Variants in HERC2 observed in about 807,000 individuals in gnomAD.
HERC2 encodes the protein E3 ubiquitin-protein ligase HERC2.
A neutral mutation model predicts 537.7 loss-of-function variants in HERC2; 102 were observed. That is an observed-to-expected ratio of 0.19 (90% CI 0.16 to 0.22). The LOEUF is 0.22. Among genes scored for constraint, HERC2 ranks in the 10% least tolerant of loss-of-function variants. The probability of loss-of-function intolerance (pLI) is 1.00; values close to 1 mark genes in which losing one functional copy is unlikely to be tolerated. For missense variants in HERC2, 4,236 were observed against 6,198.2 expected (o/e 0.68, Z 10.63); for synonymous variants, 2,224 against 2,466.2 (o/e 0.90, Z 2.91).
At position 28,113,213 on chromosome 15, in the gene HERC2, G is replaced by C. The variant is rs749304891; in HGVS notation, c.14090C>G (p.Ser4697Cys). ...SVATYKGIEPSASLIQWFWEV... is the reference protein window; with the variant it reads ...SVATYKGIEPCASLIQWFWEV... ...CCAGAACCACTGGATCAGCGATGCGGAAGGCTCGATGCCTTTATAGGTGGC... is the reference window on the plus strand; with the variant it reads ...CCAGAACCACTGGATCAGCGATGCGCAAGGCTCGATGCCTTTATAGGTGGC... The change falls in exon 92 of 93, where the codon TCC becomes TGC. Residue 4697 changes from serine to cysteine, a missense_variant. Physicochemically the swap from Ser to Cys is moderately radical, Grantham distance 112. Coordinates refer to ENST00000261609, the MANE Select transcript of HERC2 (RefSeq NM_004667.6). This position sits in a 1 kb window ranked among gnomAD's most constrained non-coding sequence, Gnocchi z 7.0. 1.2e-6 allele frequency: 2 copies of C among 1,614,168 alleles called. No homozygotes were observed. The highest frequency in any genetic ancestry group is 8.5e-7 in the Non-Finnish European group (1 of 1,180,046).
chr15:28,279,947 G>A lies in HERC2; in HGVS notation c.542+121C>T, dbSNP rs529573956. 3.4e-5 allele frequency: 26 copies of A among 755,058 alleles called. 1 individual carries two copies. The South Asian group carries it at 4.6e-4, about 13-fold the overall frequency. The allele number at this position is 755,058 out of a possible 1,614,324, so 46.8% of individuals were successfully genotyped here. ...TATACAAAACATACAAAAAGGGAAA[G>A]CAAGAATAAATTTCAGAAGGTGAAG... On this transcript the variant is annotated intron_variant, in intron 5 of 92. Transcript: ENST00000261609.
rs1353021669 is a variant in HERC2 at position 28,174,382 on chromosome 15, A to C, written c.10057+13T>G. ...TACAGAAAAATCTCAGAGAAGATAC[A>C]AATCTGTGTTACCTAAATAGGAAGC... On this transcript the variant is annotated intron_variant, in intron 65 of 92. Coordinates refer to ENST00000261609, the MANE Select transcript of HERC2 (RefSeq NM_004667.6). The C allele has an allele frequency of 4.5e-6, 7 of 1,569,242 alleles. No individual in the cohort carries two copies. The South Asian group carries it at 6.9e-5, about 15-fold the overall frequency.
chr15:28,176,959 C>G lies in HERC2; in HGVS notation c.9423G>C (p.Lys3141Asn). 1 of 1,612,050 alleles carries G rather than the reference C, an allele frequency of 6.2e-7. No homozygotes were observed. Among genetic ancestry groups the G allele is most frequent in the Non-Finnish European group, 8.5e-7 (1 of 1,178,654 alleles). ...AAATGCGTATAATCACCATTTTGGG[C>G]TTTAGCTGTGTCGTATTATCCCCAT... The part of the protein sequence containing the change: ...LGHGDNTTQL[K>N]PKMVKVLLGH... The change falls in exon 61 of 93, where the codon AAG (lysine) becomes AAC (asparagine). Residue 3141 changes from lysine to asparagine, a missense_variant. This residue lies in a region of HERC2 where 606 missense variants were observed against 884.5 expected (regional missense o/e 0.69). Transcript: ENST00000261609. The surrounding 1 kb of genome is among the most constrained non-coding windows in gnomAD (Gnocchi z 5.0).
chr15:28,196,670 T>G, intron 50 of HERC2, 101 bp from the exon 51 acceptor site: 1 of 610,050 alleles, frequency 1.6e-6, no homozygotes, highest in Non-Finnish European at 3.0e-6. Flanking sequence ...TGTAGTTATT[T>G]GTTTTTTACA....
chr15:28,215,390 A>G (rs1275277561), intron 39 of HERC2, among the ~76,000 whole-genome samples: 3 of 152,196 alleles, frequency 2.0e-5, no homozygotes, highest in Admixed American at 2.0e-4. Flanking sequence ...TGTGAAGCAG[A>G]TGAGTGAGTA....
chr15:28,117,391 C>A (rs1888387519), intron 86 of HERC2: 1 of 698,160 alleles, frequency 1.4e-6, no homozygotes. Context: ...TGCCCAGCAG[C>A]CCCCAGGACT....
At chr15:28,143,153 C>G (rs1891395702) in intron 74 of HERC2, among the ~76,000 whole-genome samples, 1 of 152,004 alleles carries the variant, frequency 6.6e-6, no homozygotes, top group Admixed American at 6.6e-5. Flanking sequence ...AGTTTGAAGA[C>G]TCATCTCAGA....
At chr15:28,180,080 C>T (rs1443639177) in intron 57 of HERC2, among the ~76,000 whole-genome samples, 2 of 152,208 alleles carry the variant, frequency 1.3e-5, no homozygotes, top group Non-Finnish European at 2.9e-5. Flanking sequence ...CTCACTGACT[C>T]GCCCAGAGCA....
chr15:28,187,556 C>T (rs1292824208), intron 55 of HERC2, among the ~76,000 whole-genome samples: 1 of 152,172 alleles, frequency 6.6e-6, no homozygotes, highest in Non-Finnish European at 1.5e-5. Context: ...TGGTCTTGAA[C>T]TTCTGACCTC....
intron 3 of HERC2, among the ~76,000 whole-genome samples, chr15:28,297,640 G>C (rs2076505168): frequency 6.6e-6 from 1 of 152,070 alleles, no homozygotes; most frequent in Non-Finnish European, 1.5e-5. Context: ...TCCATGTATG[G>C]AGTTCTAGAA....
At chr15:28,225,139 G>A (rs1302672832) in intron 35 of HERC2, among the ~76,000 whole-genome samples, 16 of 152,180 alleles carry the variant, frequency 1.1e-4, no homozygotes, top group Admixed American at 1.0e-3. Flanking sequence ...TGTAATCCCA[G>A]CACTTTGGGA....
Position 28,285,803 on chromosome 15 carries a change from C to CA in HERC2, c.323-5517dup, listed in dbSNP as rs3079904. On this transcript the variant is annotated intron_variant, in intron 4 of 92. Transcript: ENST00000261609. ...GACAAACCTCTCTAAGCATGACTGA[C>CA]AAAAAAAAAAAAAAAAGACATAAAT... is the stretch of plus-strand genomic sequence containing the variant. 2.3e-3 allele frequency among the ~76,000 whole-genome samples: 163 copies of CA among 72,320 alleles called. 1 individual carries two copies. Among genetic ancestry groups the CA allele is most frequent in the Middle Eastern group, 0.015 (2 of 134 alleles). The allele number at this position is 72,320 out of a possible 152,430, so 47.4% of individuals were successfully genotyped here.
chr15:28,219,360 A>C (rs1467556174), intron 37 of HERC2, among the ~76,000 whole-genome samples: 2 of 152,218 alleles, frequency 1.3e-5, no homozygotes, highest in South Asian at 2.1e-4. Flanking sequence ...CTGTGGGGAA[A>C]GGCCCCAGGC....
Position 28,124,173 on chromosome 15 carries a change from A to G in HERC2, c.13052T>C (p.Leu4351Pro). Residue 4351 changes from leucine (L) to proline (P), a missense_variant, in exon 85 of 93, where the codon CTG becomes CCG. Coordinates refer to ENST00000261609, the MANE Select transcript of HERC2 (RefSeq NM_004667.6). ...IPIIALRNRL[L>P]LLHHLSELFC... is the part of the protein sequence containing the mutation. ...GAGCTCGGAGAGGTGGTGCAGCAGCAGCAGACGGTTCCTCAGCGCAATGAT... is the reference window on the plus strand; with the variant it reads ...GAGCTCGGAGAGGTGGTGCAGCAGCGGCAGACGGTTCCTCAGCGCAATGAT... 1 of 1,577,094 alleles carries G rather than the reference A, an allele frequency of 6.3e-7. No homozygotes were observed. The highest frequency in any genetic ancestry group is 2.4e-5 in the East Asian group (1 of 42,342).
At chr15:28,272,505 A>C in intron 8 of HERC2, 119 bp from the exon 9 acceptor site, 1 of 900,778 alleles carries the variant, frequency 1.1e-6, no homozygotes, top group Non-Finnish European at 1.7e-6. Context: ...ATTTGAAAGG[A>C]AACTAAACTA....
chr15:28,293,184 A>G, intron 3 of HERC2, among the ~76,000 whole-genome samples, 162 bp from the exon 4 acceptor site: 1 of 152,206 alleles, frequency 6.6e-6, no homozygotes, highest in Non-Finnish European at 1.5e-5. Flanking sequence ...CAGACCCAGT[A>G]TAATTTTCAT....
At chr15:28,136,321 G>A (rs11074325) in intron 78 of HERC2, among the ~76,000 whole-genome samples, 139,236 of 151,868 alleles carry the variant, frequency 0.92, 64,739 homozygotes, top group Non-Finnish European at 0.99. Flanking sequence ...ACGTGCTGCT[G>A]CACTGACATA....
At chr15:28,189,538 A>G (rs1438976821) in intron 55 of HERC2, among the ~76,000 whole-genome samples, 1 of 152,222 alleles carries the variant, frequency 6.6e-6, no homozygotes, top group African/African-American at 2.4e-5. Context: ...CAATTTCTTC[A>G]CTTATTAGCA....
At chr15:28,301,733 GTGTATATATATATA>G (rs1368083165) in intron 2 of HERC2, among the ~76,000 whole-genome samples, 1,526 of 30,864 alleles carry the variant, frequency 0.049, 72 homozygotes, top group African/African-American at 0.15. Context: ...TTGTATGTAT[GTGTATATATATATA>G]TATATATATA....
Sources: allele counts gnomAD v4.1 joint callset (sites outside exome capture counted in the v4.1 genomes callset), GRCh38; gene constraint gnomAD v4.1.1; regional missense constraint gnomAD v4.1.1; non-coding constraint Gnocchi (gnomAD v3.1); transcripts MANE v1.5; gene names NCBI Gene and HGNC (gene_info 2026-07-23, HGNC 2026-07-21).